The following ZNF385D variants were observed in gnomAD, a reference collection of about 807,000 sequenced individuals.
The protein encoded by ZNF385D is zinc finger protein 385D, also known as zinc finger protein 659.
In ZNF385D, 15 loss-of-function variants were observed where a neutral mutation model predicts 35.8. The ratio of observed to expected loss-of-function variants is 0.42; its 90% CI spans 0.28 to 0.64. The LOEUF (loss-of-function observed/expected upper bound fraction) is 0.64, where lower values mean the gene tolerates loss of function less well. ZNF385D is among the 30% of genes least tolerant of loss of function. The pLI is 0.23. For missense variants in ZNF385D, 474 were observed against 494.6 expected (o/e 0.96, Z 0.39); for synonymous variants, 212 against 186.8 (o/e 1.13, Z -1.10).
At chr3:21,631,086 ACCCTGTGTGGGCCTGGGTTTG>A (rs575985121) in intron 2 of ZNF385D, among the ~76,000 whole-genome samples, 77 of 152,238 alleles carry the variant, frequency 5.1e-4, no homozygotes, top group African/African-American at 1.8e-3. Flanking sequence ...TTGGAACATT[ACCCTGTGTGGGCCTGGGTTTG>A]CGGTTGTGGG....
At position 21,541,712 on chromosome 3, in the gene ZNF385D, AAAGC is replaced by A. The variant is rs1019334314; in HGVS notation, c.276+22858_276+22861del. On this transcript the variant is annotated intron_variant, in intron 3 of 7. Transcript: ENST00000281523. Reference sequence around the variant, plus strand: ...TAAATTATAACAAAATATAACAAAAAAAGCAAGAGTCTTGATAAACAGGAACTAG... The same window carrying A: ...TAAATTATAACAAAATATAACAAAAAAAGAGTCTTGATAAACAGGAACTAG... 1.7e-4 allele frequency among the ~76,000 whole-genome samples: 26 copies of A among 152,232 alleles called. 1 individual carries two copies. Among genetic ancestry groups the A allele is most frequent in the African/African-American group, 4.8e-4 (20 of 41,468 alleles).
intron 3 of ZNF385D, among the ~76,000 whole-genome samples, chr3:22,056,395 A>T (rs1229273470): frequency 2.0e-5 from 3 of 151,970 alleles, no homozygotes; most frequent in Non-Finnish European, 4.4e-5. Flanking sequence ...TCTATTACAG[A>T]CCATGGCAAA....
intron 3 of ZNF385D, among the ~76,000 whole-genome samples, chr3:22,012,238 T>C (rs376334256): frequency 6.6e-6 from 1 of 152,178 alleles, no homozygotes; most frequent in South Asian, 2.1e-4. Flanking sequence ...TAAGAATTAT[T>C]GCATAATGTC....
At chr3:21,484,182 T>C (rs1188616820) in intron 4 of ZNF385D, among the ~76,000 whole-genome samples, 4 of 152,164 alleles carry the variant, frequency 2.6e-5, no homozygotes, top group Non-Finnish European at 5.9e-5. Flanking sequence ...AGGGCTGAGC[T>C]CTAGACCTTG....
At chr3:22,105,065 A>G (rs1245058061) in intron 3 of ZNF385D, among the ~76,000 whole-genome samples, 1 of 152,174 alleles carries the variant, frequency 6.6e-6, no homozygotes, top group East Asian at 1.9e-4. Context: ...TTTAAAATGT[A>G]GTATTTTTTA....
intron 3 of ZNF385D, among the ~76,000 whole-genome samples, chr3:21,547,872 A>G (rs749546510): frequency 2.6e-5 from 4 of 152,030 alleles, no homozygotes; most frequent in Non-Finnish European, 5.9e-5. Flanking sequence ...TGGCCTCGCA[A>G]AGTGCTGGGA....
intron 3 of ZNF385D, among the ~76,000 whole-genome samples, chr3:21,895,494 ATTTTTTT>A (rs1221696542): frequency 7.6e-5 from 10 of 131,460 alleles, no homozygotes; most frequent in African/African-American, 1.7e-4. Flanking sequence ...TGCCTGGCTA[ATTTTTTT>A]TTTTTTTTTT....
Position 21,804,994 on chromosome 3 carries a change from T to C in ZNF385D, c.326-139966A>G, listed in dbSNP as rs549404803. ...TGGGCAGAAGCAAGATTGATTCCTA[T>C]TGAACCCTGGAGGTGGGGTGGAAAA... On this transcript the variant is annotated intron_variant, in intron 3 of 5. Coordinates refer to the ZNF385D transcript ENST00000494108. Among the ~76,000 whole-genome samples, 10 of 152,322 alleles carry C rather than the reference T, an allele frequency of 6.6e-5. No homozygotes were observed. The East Asian group carries it at 7.7e-4, about 12-fold the overall frequency.
chr3:22,091,085 CACTAGATAAG>C (rs1701309493), intron 3 of ZNF385D, among the ~76,000 whole-genome samples: 1 of 152,072 alleles, frequency 6.6e-6, no homozygotes, highest in Non-Finnish European at 1.5e-5. Context: ...GAGAATATAA[CACTAGATAAG>C]GCTGAATTCC....
intron 3 of ZNF385D, among the ~76,000 whole-genome samples, chr3:21,805,001 C>T (rs2072573021): frequency 6.6e-6 from 1 of 152,134 alleles, no homozygotes; most frequent in African/African-American, 2.4e-5. Flanking sequence ...CTATTGAACC[C>T]TGGAGGTGGG....
intron 6 of ZNF385D, 23 bp downstream of exon 6, chr3:21,425,469 T>G (rs762619972): frequency 6.4e-7 from 1 of 1,555,874 alleles, no homozygotes; most frequent in South Asian, 1.2e-5. Flanking sequence ...TTGGTTTTCA[T>G]TCCTAGAATA....
chr3:22,360,691 A>G (rs1696370785), intron 2 of ZNF385D, among the ~76,000 whole-genome samples: 1 of 151,960 alleles, frequency 6.6e-6, no homozygotes, highest in Non-Finnish European at 1.5e-5. Flanking sequence ...CACAGTAGAG[A>G]GCATGAAAGG....
chr3:21,694,955 T>C (rs73138866), intron 1 of ZNF385D, among the ~76,000 whole-genome samples: 34 of 152,224 alleles, frequency 2.2e-4, no homozygotes, highest in African/African-American at 7.5e-4. Flanking sequence ...CAGCTTGGCT[T>C]TTAAAGTGAG....
At position 21,621,890 on chromosome 3, in the gene ZNF385D, TGTGTGCGTGCACGCAC is replaced by T. The variant is rs201858043; in HGVS notation, c.165+42980_165+42995del. 5.2e-3 allele frequency among the ~76,000 whole-genome samples: 796 copies of T among 152,076 alleles called. 11 individuals carry two copies. In the East Asian group the frequency reaches 0.077, roughly 15 times the overall value. On this transcript the variant is annotated intron_variant, in intron 2 of 7. Coordinates refer to ENST00000281523, the MANE Select transcript of ZNF385D (RefSeq NM_024697.3). ...CTGTGTGTGTGTGTGTGTGTGTGTGTGTGTGCGTGCACGCACGTGTGTGCTTTCTTTGGAACTTAGT... is the reference window on the plus strand; with the variant it reads ...CTGTGTGTGTGTGTGTGTGTGTGTGTGTGTGTGCTTTCTTTGGAACTTAGT...
Position 22,343,336 on chromosome 3 carries a change from A to T in ZNF385D, c.106+29114T>A, listed in dbSNP as rs73822149. On this transcript the variant is annotated intron_variant, in intron 2 of 5. Transcript: ENST00000494108. ...ATTTCAGGGAATTTTCTACTGTGGAAGCCAAAGGTGTCCACACATACTTCC... is the reference window on the plus strand; with the variant it reads ...ATTTCAGGGAATTTTCTACTGTGGATGCCAAAGGTGTCCACACATACTTCC... Among the ~76,000 whole-genome samples, 1,231 of 152,342 alleles carry T rather than the reference A, an allele frequency of 8.1e-3. 15 individuals are homozygous for T. The highest frequency in any genetic ancestry group is 0.028 in the African/African-American group (1,162 of 41,572).
At chr3:21,737,202 A>G (rs1270693196) in intron 1 of ZNF385D, among the ~76,000 whole-genome samples, 1 of 152,218 alleles carries the variant, frequency 6.6e-6, no homozygotes, top group Non-Finnish European at 1.5e-5. Flanking sequence ...GGCCTCCTAA[A>G]GTGCTGGGAC....
chr3:21,472,082 A>G (rs1703931898), intron 4 of ZNF385D, among the ~76,000 whole-genome samples: 1 of 152,154 alleles, frequency 6.6e-6, no homozygotes, highest in African/African-American at 2.4e-5. Flanking sequence ...GCTCGTCAAT[A>G]AATTCTCAAA....
chr3:21,980,522 T>A (rs983475606), intron 3 of ZNF385D, among the ~76,000 whole-genome samples: 2 of 152,186 alleles, frequency 1.3e-5, no homozygotes, highest in Admixed American at 1.3e-4. Context: ...CCACATGAAA[T>A]TGCTGATTTT....
At chr3:21,724,444 G>A (rs1297083851) in intron 1 of ZNF385D, among the ~76,000 whole-genome samples, 1 of 96,068 alleles carries the variant, frequency 1.0e-5, no homozygotes, top group Non-Finnish European at 1.9e-5. Flanking sequence ...AAAATAAAGG[G>A]ATGCAGGAAT....
Sources: allele counts gnomAD v4.1 joint callset (sites outside exome capture counted in the v4.1 genomes callset), GRCh38; gene constraint gnomAD v4.1.1; transcripts MANE v1.5; gene names NCBI Gene and HGNC (gene_info 2026-07-23, HGNC 2026-07-21).